The following PAN3 variants were observed in gnomAD, a reference collection of about 807,000 sequenced individuals.
The protein encoded by PAN3 is PAN2-PAN3 deadenylation complex subunit PAN3.
Under a neutral mutation model 96.2 loss-of-function variants are expected in PAN3, and 19 were observed. The observed-to-expected ratio is 0.20, with a 90% CI of 0.14 to 0.29. The LOEUF (loss-of-function observed/expected upper bound fraction) is 0.29. Among genes scored for constraint, PAN3 ranks in the 10% least tolerant of loss-of-function variants. The pLI, the probability that PAN3 is intolerant of heterozygous loss-of-function variation, is 1.00. For missense variants in PAN3, 882 were observed against 1,108.1 expected, an observed-to-expected ratio of 0.80 and a Z score of 2.90; for synonymous variants, 433 against 406.6, an observed-to-expected ratio of 1.06 and a Z score of -0.78.
chr13:28,201,483 T>C (rs1878690717), intron 5 of PAN3, among the ~76,000 whole-genome samples: 1 of 152,060 alleles, frequency 6.6e-6, no homozygotes, highest in Admixed American at 6.6e-5. Context: ...GAGGTGGAGC[T>C]TGCAGTGAGC....
At chr13:28,214,099 A>T (rs1288252743) in intron 5 of PAN3, among the ~76,000 whole-genome samples, 1 of 152,224 alleles carries the variant, frequency 6.6e-6, no homozygotes, top group Non-Finnish European at 1.5e-5. Context: ...AAAAGAAAAA[A>T]AAATAAAAAA....
chr13:28,259,452 C>T (rs762753882), intron 7 of PAN3, among the ~76,000 whole-genome samples: 6 of 151,762 alleles, frequency 4.0e-5, no homozygotes. Flanking sequence ...AGTACAGGTG[C>T]ATGCCACCAC....
At chr13:28,276,591 T>C (rs1332013679) in intron 14 of PAN3, among the ~76,000 whole-genome samples, 4 of 152,164 alleles carry the variant, frequency 2.6e-5, no homozygotes, top group Admixed American at 6.5e-5. Flanking sequence ...GTTCCAGAGC[T>C]CAAAGATCTG....
intron 9 of PAN3, among the ~76,000 whole-genome samples, chr13:28,264,453 C>T (rs1019915701): frequency 2.6e-5 from 4 of 152,012 alleles, no homozygotes; most frequent in Non-Finnish European, 4.4e-5. Flanking sequence ...GCACAAGACT[C>T]GCTTGAACCT....
At position 28,294,357 on chromosome 13, in the gene PAN3, G is replaced by A. The variant is rs538793949; in HGVS notation, c.*1835G>A. 1 of 152,744 alleles carries A rather than the reference G, an allele frequency of 6.5e-6. No homozygotes were observed. The highest frequency in any genetic ancestry group is 6.5e-5 in the Admixed American group (1 of 15,294). 9.5% of individuals were successfully genotyped at this position (152,744 alleles called of 1,614,324 possible). On this transcript the variant is annotated 3_prime_UTR_variant, in exon 19 of 19. Transcript: ENST00000380958. The stretch of plus-strand genomic sequence containing the variant: ...ATCATTAGCTCATGTATTTGAGGAA[G>A]AGCAGCTGTCTTTTTATATGTTTTT...
chr13:28,152,790 A>G (rs1168485619), intron 1 of PAN3, among the ~76,000 whole-genome samples: 1 of 152,208 alleles, frequency 6.6e-6, no homozygotes, highest in Non-Finnish European at 1.5e-5. Flanking sequence ...CAAATGGCCA[A>G]TAGGTATATA....
rs764494130 is a variant in PAN3, at chr13:28,288,141, T to C, written c.2523+19T>C. ...TAACAAGGTAATTTGTATCTAGATT[T>C]TTTAAGATCATAATTCTGCCTATAA... On this transcript the variant is annotated intron_variant, in intron 18 of 18. Transcript: ENST00000380958. 12 of 1,580,698 alleles carry C rather than the reference T, an allele frequency of 7.6e-6. No individual in the cohort carries two copies. Among genetic ancestry groups the C allele is most frequent in the Non-Finnish European group, 1.0e-5 (12 of 1,163,684 alleles).
chr13:28,257,691 A>AATATATATT lies in PAN3; in HGVS notation c.1248+1169_1248+1177dup, dbSNP rs920665773. On this transcript the variant is annotated intron_variant, in intron 7 of 18. Transcript: ENST00000380958. ...ATATGTAAAGTTATTAAATTATATA[A>AATATATATT]ATATATATTATATATATTATATATA... Among the ~76,000 whole-genome samples the AATATATATT allele has an allele frequency of 4.1e-3, 572 of 140,142 alleles. 3 individuals carry two copies. The highest frequency in any genetic ancestry group is 0.015 in the African/African-American group (557 of 37,768). The allele number at this position is 140,142 out of a possible 152,430, so 91.9% of individuals were successfully genotyped here.
intron 4 of PAN3, among the ~76,000 whole-genome samples, chr13:28,190,042 C>G (rs1025440281): frequency 6.6e-6 from 1 of 152,170 alleles, no homozygotes; most frequent in Non-Finnish European, 1.5e-5. Flanking sequence ...CCCCCGGGTT[C>G]AAGTGATTCC....
intron 6 of PAN3, among the ~76,000 whole-genome samples, chr13:28,246,128 T>G (rs149536915): frequency 1.5e-4 from 23 of 152,320 alleles, no homozygotes; most frequent in African/African-American, 5.5e-4. Flanking sequence ...GTGGTTTTGA[T>G]TTCTGTGTCC....
intron 14 of PAN3, among the ~76,000 whole-genome samples, chr13:28,275,119 C>T (rs1347056829): frequency 6.6e-6 from 1 of 152,016 alleles, no homozygotes; most frequent in South Asian, 2.1e-4. Context: ...AATTATTTAG[C>T]TGAGAAATAA....
Position 28,292,730 on chromosome 13 carries a change from T to C in PAN3, c.*208T>C, listed in dbSNP as rs1233264489. ...CTATGGCTGCCATTGGAGGCTGTTA[T>C]CTGTGAAGAATTTATTTTAGATTTA... On this transcript the variant is annotated 3_prime_UTR_variant, in exon 19 of 19. Transcript: ENST00000380958. 7.7e-6 allele frequency: 3 copies of C among 391,908 alleles called. No homozygotes were observed. The highest frequency in any genetic ancestry group is 1.3e-5 in the Non-Finnish European group (3 of 224,328). The allele number at this position is 391,908 out of a possible 1,614,324, so 24.3% of individuals were successfully genotyped here.
At chr13:28,138,543 C>G (rs1040498162), upstream of PAN3, 3 of 404,402 alleles carry the variant, frequency 7.4e-6, no homozygotes, top group Non-Finnish European at 1.3e-5. Context: ...CGGGACAGAC[C>G]CACCCGCCCA....
At chr13:28,163,904 T>TAA (rs1414997345) in intron 1 of PAN3, among the ~76,000 whole-genome samples, 1 of 152,202 alleles carries the variant, frequency 6.6e-6, no homozygotes, top group Non-Finnish European at 1.5e-5. Flanking sequence ...ATTTACTGAA[T>TAA]AATCCCCCTT....
intron 7 of PAN3, among the ~76,000 whole-genome samples, chr13:28,259,018 AC>A (rs1416539075): frequency 2.0e-5 from 3 of 152,154 alleles, no homozygotes; most frequent in African/African-American, 4.8e-5. Flanking sequence ...TGAATACAGA[AC>A]CCAGGGATAC....
intron 1 of PAN3, among the ~76,000 whole-genome samples, chr13:28,173,749 A>G (rs1335844118): frequency 6.6e-6 from 1 of 152,216 alleles, no homozygotes; most frequent in Non-Finnish European, 1.5e-5. Flanking sequence ...ACAGTCCTTC[A>G]GTATCATCCT....
rs1201384796 is a variant in PAN3, at chr13:28,294,764, T to C, written c.*2242T>C. ...GCATATAAAAGGTAGACAGCTGATA[T>C]GTTTTCATGAATAAATATTGTCAGC... On this transcript the variant is annotated 3_prime_UTR_variant, in exon 19 of 19. Coordinates refer to ENST00000380958, the MANE Select transcript of PAN3 (RefSeq NM_175854.8). 2 of 152,558 alleles carry C rather than the reference T, an allele frequency of 1.3e-5. No homozygotes were observed. Among genetic ancestry groups the C allele is most frequent in the Admixed American group, 6.5e-5 (1 of 15,284 alleles). The allele number at this position is 152,558 out of a possible 1,614,324, so 9.5% of individuals were successfully genotyped here. A position where few individuals can be genotyped will look rare whatever the true frequency, so the allele number is the denominator to read the frequency against.
intron 1 of PAN3, among the ~76,000 whole-genome samples, chr13:28,143,360 C>T (rs1352410000): frequency 2.6e-5 from 4 of 152,106 alleles, no homozygotes. Flanking sequence ...TGATGTAATT[C>T]TAATATTTTC....
intron 2 of PAN3, among the ~76,000 whole-genome samples, chr13:28,175,852 G>A (rs1474964301): frequency 6.6e-6 from 1 of 152,006 alleles, no homozygotes; most frequent in Non-Finnish European, 1.5e-5. Flanking sequence ...AAATTATGCA[G>A]ACATTAAATA....
Sources: gnomAD v4.1 joint callset for allele counts (sites outside exome capture counted in the v4.1 genomes callset) on GRCh38, gnomAD v4.1.1 for gene constraint, MANE v1.5 for transcripts, NCBI Gene and HGNC (gene_info 2026-07-23, HGNC 2026-07-21) for gene names.